Variants in MCF2L2 observed in about 807,000 individuals in gnomAD.
The protein encoded by MCF2L2 is probable guanine nucleotide exchange factor MCF2L2.
MCF2L2 carries 102 observed loss-of-function variants against 150.2 expected under a neutral mutation model. The ratio of observed to expected loss-of-function variants is 0.68; its 90% CI spans 0.58 to 0.80. The LOEUF (loss-of-function observed/expected upper bound fraction) is 0.80, where lower values mean the gene tolerates loss of function less well. MCF2L2 is among the 30% of genes least tolerant of loss of function. MCF2L2 has a pLI of 0.00. For synonymous variants in MCF2L2, 465 were observed against 491.3 expected, an observed-to-expected ratio of 0.95 and a Z score of 0.71; for missense variants, 1,256 against 1,372.8, an observed-to-expected ratio of 0.91 and a Z score of 1.34.
intron 25 of MCF2L2, among the ~76,000 whole-genome samples, chr3:183,203,081 C>T (rs766057522): frequency 1.3e-5 from 2 of 152,034 alleles, no homozygotes; most frequent in East Asian, 1.9e-4. Context: ...GGCATGGTGG[C>T]GTGCACCTGT....
Position 183,181,280 on chromosome 3 carries a change from C to A in MCF2L2, c.3017-1121G>T, listed in dbSNP as rs1721510108. Reference sequence around the variant, plus strand: ...AGCCACGTTCTGGGCCCCAGGCCCTCCCCAGAGCAGATCAGTGGGGGCTGT... The same window carrying A: ...AGCCACGTTCTGGGCCCCAGGCCCTACCCAGAGCAGATCAGTGGGGGCTGT... On this transcript the variant is annotated intron_variant, in intron 27 of 29. Coordinates refer to ENST00000328913, the MANE Select transcript of MCF2L2 (RefSeq NM_015078.4). This position sits in a 1 kb window ranked among gnomAD's most constrained non-coding sequence, Gnocchi z 4.3. Among the ~76,000 whole-genome samples the A allele has an allele frequency of 6.6e-6, 1 of 152,118 alleles. No homozygotes were observed. The highest frequency in any genetic ancestry group is 6.5e-5 in the Admixed American group (1 of 15,274).
intron 14 of MCF2L2, among the ~76,000 whole-genome samples, chr3:183,287,304 T>C (rs1048486905): frequency 1.3e-5 from 2 of 152,170 alleles, no homozygotes; most frequent in African/African-American, 2.4e-5. Flanking sequence ...GTCATAAACA[T>C]GTTGTCTGAA....
chr3:183,372,285 T>C (rs1411110880), intron 3 of MCF2L2: 1 of 152,186 alleles, frequency 6.6e-6, no homozygotes, highest in African/African-American at 2.4e-5. Flanking sequence ...ACAGGCCAAA[T>C]AATAACACTA....
intron 27 of MCF2L2, among the ~76,000 whole-genome samples, chr3:183,185,489 G>C (rs754486380): frequency 1.3e-5 from 2 of 152,222 alleles, no homozygotes; most frequent in Non-Finnish European, 2.9e-5. Context: ...ATGATAAAAA[G>C]AACTTAAGCA....
chr3:183,232,222 G>A (rs1723591785), intron 15 of MCF2L2, among the ~76,000 whole-genome samples: 1 of 152,174 alleles, frequency 6.6e-6, no homozygotes, highest in Non-Finnish European at 1.5e-5. Context: ...CTGACAGGCA[G>A]CAAGGAAGGG....
At chr3:183,290,058 T>A (rs1728035139) in intron 13 of MCF2L2, among the ~76,000 whole-genome samples, 1 of 152,206 alleles carries the variant, frequency 6.6e-6, no homozygotes, top group Admixed American at 6.5e-5. Context: ...ATTATAAAGG[T>A]AATTAATTTT....
At chr3:183,276,744 T>C in intron 15 of MCF2L2, 128 bp downstream of exon 15, 1 of 593,050 alleles carries the variant, frequency 1.7e-6, no homozygotes, top group Non-Finnish European at 2.9e-6. Context: ...TAAATGAAGG[T>C]TAGTATAGAG....
At chr3:183,380,898 A>T (rs1380212337) in intron 2 of MCF2L2, among the ~76,000 whole-genome samples, 1 of 152,240 alleles carries the variant, frequency 6.6e-6, no homozygotes, top group Non-Finnish European at 1.5e-5. Flanking sequence ...TTAAGAATAA[A>T]AATGAGAGAA....
chr3:183,305,419 A>T lies in MCF2L2; in HGVS notation c.1113+4297T>A, dbSNP rs1401900725. On this transcript the variant is annotated intron_variant, in intron 10 of 29. Transcript: ENST00000328913. This position sits in a 1 kb window ranked among gnomAD's most constrained non-coding sequence, Gnocchi z 4.1. ...ATTCACCACAGGATACTTCCAAATC[A>T]CCCTGTGGTGATCAGAGCCTGCCCT... Among the ~76,000 whole-genome samples the T allele has an allele frequency of 6.6e-6, 1 of 151,744 alleles. No homozygotes were observed. Among genetic ancestry groups the T allele is most frequent in the African/African-American group, 2.4e-5 (1 of 41,254 alleles).
Position 183,338,932 on chromosome 3 carries a change from G to A in MCF2L2, c.367-13C>T. 6.3e-7 allele frequency: 1 copy of A among 1,592,470 alleles called. No individual in the cohort carries two copies. Among genetic ancestry groups the A allele is most frequent in the South Asian group, 1.1e-5 (1 of 88,914 alleles). ...CTGGAAATGCCACCTGCAAGCATCA[G>A]GAAAAGTGTCAGGAGGAGAGAGAAA... On this transcript the variant is annotated splice_polypyrimidine_tract_variant and intron_variant, in intron 4 of 29. Coordinates refer to ENST00000328913, the MANE Select transcript of MCF2L2 (RefSeq NM_015078.4).
chr3:183,226,684 G>C lies in MCF2L2; in HGVS notation c.2115+1613C>G, dbSNP rs111480964. On this transcript the variant is annotated intron_variant, in intron 18 of 29. Coordinates refer to ENST00000328913, the MANE Select transcript of MCF2L2 (RefSeq NM_015078.4). Reference sequence around the variant, plus strand: ...ATTTGATAATATCCACTTTCCCACAGGAACTTTGCCCATTTCTCATTGAGC... The same window carrying C: ...ATTTGATAATATCCACTTTCCCACACGAACTTTGCCCATTTCTCATTGAGC... 7.7e-4 allele frequency: 117 copies of C among 152,268 alleles called. 2 individuals carry two copies. The East Asian group carries it at 0.014, about 18-fold the overall frequency. The allele number at this position is 152,268 out of a possible 1,614,324, so 9.4% of individuals were successfully genotyped here. A position where few individuals can be genotyped will look rare whatever the true frequency, so the allele number is the denominator to read the frequency against.
intron 14 of MCF2L2, among the ~76,000 whole-genome samples, chr3:183,280,780 G>A (rs1454275480): frequency 2.0e-5 from 3 of 151,024 alleles, no homozygotes; most frequent in South Asian, 2.1e-4. Flanking sequence ...CCCGGGAGAC[G>A]GAGGTTGCAA....
chr3:183,212,087 T>C (rs1031084680), intron 22 of MCF2L2, among the ~76,000 whole-genome samples: 1 of 151,970 alleles, frequency 6.6e-6, no homozygotes, highest in Non-Finnish European at 1.5e-5. Flanking sequence ...GAGGCAGAAA[T>C]TGGAGTGGCA....
chr3:183,420,512 C>A (rs1015445450), intron 1 of MCF2L2, among the ~76,000 whole-genome samples: 3 of 152,160 alleles, frequency 2.0e-5, no homozygotes, highest in Admixed American at 1.3e-4. Context: ...GCAGAAGAAT[C>A]ACTTGAACCC....
chr3:183,423,284 C>T lies in MCF2L2; in HGVS notation c.76+4618G>A, dbSNP rs114355553. Among the ~76,000 whole-genome samples, 143 of 152,280 alleles carry T rather than the reference C, an allele frequency of 9.4e-4. 1 individual carries two copies. The highest frequency in any genetic ancestry group is 3.3e-3 in the African/African-American group (137 of 41,544). ...AACAACATTGTATAATAATGAGCCA[C>T]GGGCTGAATTTCTCAGTCTAGTATT... On this transcript the variant is annotated intron_variant, in intron 1 of 29. Transcript: ENST00000328913.
In MCF2L2 at chr3:183,420,705, C is replaced by T. The variant is rs547225455; in HGVS notation, c.76+7197G>A. On this transcript the variant is annotated intron_variant, in intron 1 of 29. Transcript: ENST00000328913. ...GGGGAAGCCTCAGGAGACTTATAAT[C>T]GTGACAGAAGGCAAAGGGGAAGTAA... is the stretch of plus-strand genomic sequence containing the variant. Among the ~76,000 whole-genome samples the T allele has an allele frequency of 7.2e-5, 11 of 152,310 alleles. No individual in the cohort carries two copies. The South Asian group carries it at 1.5e-3, about 20-fold the overall frequency.
intron 15 of MCF2L2, among the ~76,000 whole-genome samples, chr3:183,235,343 A>C (rs1434185240): frequency 2.2e-3 from 138 of 62,984 alleles, no homozygotes; most frequent in African/African-American, 4.6e-3. Flanking sequence ...ATTTCTCCGC[A>C]TCCTCTCCAG....
chr3:183,308,799 G>A (rs956632475), intron 10 of MCF2L2, among the ~76,000 whole-genome samples: 1 of 152,124 alleles, frequency 6.6e-6, no homozygotes, highest in African/African-American at 2.4e-5. Context: ...TTTCTAATTA[G>A]CGCTTACTCA....
chr3:183,344,478 A>G (rs943912777), intron 3 of MCF2L2, among the ~76,000 whole-genome samples: 1 of 152,210 alleles, frequency 6.6e-6, no homozygotes, highest in Non-Finnish European at 1.5e-5. Context: ...AAACATACCA[A>G]AATGTAAAGA....
Sources: gnomAD v4.1 joint callset for allele counts (sites outside exome capture counted in the v4.1 genomes callset) on GRCh38, gnomAD v4.1.1 for gene constraint, Gnocchi (gnomAD v3.1) non-coding constraint, MANE v1.5 for transcripts, NCBI Gene and HGNC (gene_info 2026-07-23, HGNC 2026-07-21) for gene names.